The following ZFPM2 variants were observed in gnomAD, a reference collection of about 807,000 sequenced individuals.
ZFPM2 encodes the protein zinc finger protein ZFPM2.
Under a neutral mutation model 98.6 loss-of-function variants are expected in ZFPM2, and 20 were observed. The observed-to-expected ratio is 0.20, with a 90% CI of 0.14 to 0.29. The LOEUF is 0.29. Ranked by LOEUF, ZFPM2 falls within the 10% of genes least tolerant of loss-of-function variation. The probability of loss-of-function intolerance (pLI) is 1.00; values close to 1 mark genes in which losing one functional copy is unlikely to be tolerated. For missense variants in ZFPM2, 1,310 were observed against 1,388.6 expected, an observed-to-expected ratio of 0.94 and a Z score of 0.90; for synonymous variants, 518 against 502.7, an observed-to-expected ratio of 1.03 and a Z score of -0.41.
At chr8:105,558,038 G>A (rs950087199) in intron 3 of ZFPM2, among the ~76,000 whole-genome samples, 4 of 148,210 alleles carry the variant, frequency 2.7e-5, no homozygotes, top group Non-Finnish European at 5.9e-5. Context: ...ATTTGAGGCC[G>A]TTCAGCTGGT....
At chr8:105,646,001 C>T (rs560742648) in intron 5 of ZFPM2, among the ~76,000 whole-genome samples, 4 of 147,698 alleles carry the variant, frequency 2.7e-5, no homozygotes, top group Non-Finnish European at 4.5e-5. Flanking sequence ...TGCAGTGAGC[C>T]GAGATCACAC....
At position 105,802,540 on chromosome 8, in the gene ZFPM2, A is replaced by C. The variant is rs765670971; in HGVS notation, c.2458A>C (p.Ser820Arg). ...TTCCAAATGTGATACTACTCATTCCAGTGTTTCCTGCCTAGAGATGGACGT... is the reference window on the plus strand; with the variant it reads ...TTCCAAATGTGATACTACTCATTCCCGTGTTTCCTGCCTAGAGATGGACGT... ...PVSKCDTTHS[S>R]VSCLEMDVPI... is the part of the protein sequence containing the mutation. The change falls in exon 8 of 8, where the codon AGT (serine) becomes CGT (arginine). Residue 820 changes from serine to arginine, a missense_variant. Physicochemically the swap from Ser to Arg is moderately radical, Grantham distance 110. Transcript: ENST00000407775. The C allele has an allele frequency of 6.8e-6, 11 of 1,611,836 alleles. No individual in the cohort carries two copies. The South Asian group carries it at 1.1e-4, about 16-fold the overall frequency.
At chr8:105,362,244 T>C (rs1209302328) in intron 1 of ZFPM2, among the ~76,000 whole-genome samples, 1 of 152,094 alleles carries the variant, frequency 6.6e-6, no homozygotes. Context: ...TTTATTTAGG[T>C]AGAGGCAGAA....
At chr8:105,496,102 C>T (rs1289895493) in intron 3 of ZFPM2, among the ~76,000 whole-genome samples, 1 of 152,032 alleles carries the variant, frequency 6.6e-6, no homozygotes, top group Admixed American at 6.6e-5. Flanking sequence ...AATGTCTTTC[C>T]CTATTCTAAG....
At chr8:105,678,323 A>G (rs1157383872) in intron 5 of ZFPM2, among the ~76,000 whole-genome samples, 1 of 152,180 alleles carries the variant, frequency 6.6e-6, no homozygotes, top group African/African-American at 2.4e-5. Context: ...CTAGCAACAA[A>G]ATCTATAAAA....
intron 2 of ZFPM2, among the ~76,000 whole-genome samples, chr8:105,436,401 C>T (rs374592455): frequency 1.3e-5 from 2 of 151,684 alleles, no homozygotes; most frequent in African/African-American, 4.8e-5. Context: ...TGCCTGTGGG[C>T]CCAGCTACTT....
At chr8:105,800,409 T>TTAGTG (rs10647359) in intron 7 of ZFPM2, among the ~76,000 whole-genome samples, 12,721 of 152,014 alleles carry the variant, frequency 0.084, 1,636 homozygotes, top group African/African-American at 0.28. Context: ...AATGACTATA[T>TTAGTG]TAGTGTACTG....
At chr8:105,776,967 A>T (rs1813118982) in intron 5 of ZFPM2, among the ~76,000 whole-genome samples, 1 of 152,222 alleles carries the variant, frequency 6.6e-6, no homozygotes, top group Non-Finnish European at 1.5e-5. Context: ...ATGGCTGAGC[A>T]TCTCTATCCA....
intron 3 of ZFPM2, among the ~76,000 whole-genome samples, chr8:105,514,578 A>G (rs1324241450): frequency 1.3e-5 from 2 of 152,062 alleles, no homozygotes; most frequent in Non-Finnish European, 2.9e-5. Context: ...CACTATAAAC[A>G]GCGCATTGCT....
intron 1 of ZFPM2, among the ~76,000 whole-genome samples, chr8:105,372,943 G>C (rs758376497): frequency 6.6e-6 from 1 of 152,132 alleles, no homozygotes; most frequent in South Asian, 2.1e-4. Context: ...AGGGAAGTAA[G>C]AGAAAAATGT....
chr8:105,703,521 T>C (rs1224575608), intron 5 of ZFPM2, among the ~76,000 whole-genome samples: 3 of 152,114 alleles, frequency 2.0e-5, no homozygotes, highest in Non-Finnish European at 4.4e-5. Flanking sequence ...TTTTGTTTTT[T>C]TTAATAAGGT....
At chr8:105,566,224 A>G (rs1316279493) in intron 4 of ZFPM2, among the ~76,000 whole-genome samples, 1 of 152,150 alleles carries the variant, frequency 6.6e-6, no homozygotes, top group East Asian at 1.9e-4. Context: ...GGTCTGCACT[A>G]CCTTGCAAGT....
Position 105,801,573 on chromosome 8 carries a change from C to A in ZFPM2, c.1491C>A (p.Phe497Leu), listed in dbSNP as rs975686028. The A allele has an allele frequency of 6.2e-7, 1 of 1,613,774 alleles. No individual in the cohort carries two copies. The highest frequency in any genetic ancestry group is 1.3e-5 in the African/African-American group (1 of 74,880). Residue 497 changes from phenylalanine (F) to leucine (L), a missense_variant, in exon 8 of 8, where the codon TTC becomes TTA. Phe to Leu is a conservative substitution (Grantham distance 22, BLOSUM62 0). Coordinates refer to ENST00000407775, the MANE Select transcript of ZFPM2 (RefSeq NM_012082.4). ...NIGPSFPVGP[F>L]LSQFSFPQDI... is the part of the protein sequence containing the mutation. ...GGCCTTCTTTCCCTGTGGGCCCTTT[C>A]CTATCTCAGTTTTCTTTCCCCCAAG... is the stretch of plus-strand genomic sequence containing the variant.
intron 3 of ZFPM2, among the ~76,000 whole-genome samples, chr8:105,457,374 GAATT>G: frequency 6.6e-6 from 1 of 152,254 alleles, no homozygotes; most frequent in East Asian, 1.9e-4. Context: ...GACCTACATT[GAATT>G]AATTAATTTA....
At chr8:105,625,253 T>C (rs2130823969) in intron 4 of ZFPM2, among the ~76,000 whole-genome samples, 1 of 152,336 alleles carries the variant, frequency 6.6e-6, no homozygotes, top group South Asian at 2.1e-4. Context: ...TATAATTTTT[T>C]TCAAGCAATG....
intron 5 of ZFPM2, among the ~76,000 whole-genome samples, chr8:105,779,867 A>C (rs2131108514): frequency 6.6e-6 from 1 of 152,340 alleles, no homozygotes; most frequent in East Asian, 1.9e-4. Flanking sequence ...TTCTAGTAAC[A>C]GGCGCATGAA....
chr8:105,419,192 A>C lies in ZFPM2; in HGVS notation c.89A>C (p.Glu30Ala), dbSNP rs121908601. Residue 30 changes from glutamate (E) to alanine (A), a missense_variant, in exon 2 of 8, where the codon GAG (glutamate) becomes GCG (alanine). Physicochemically the swap from Glu to Ala is moderately radical, Grantham distance 107. Coordinates refer to ENST00000407775, the MANE Select transcript of ZFPM2 (RefSeq NM_012082.4). ...GATGAGGAAGAAGAATGTCCATCAG[A>C]GGAAACAGACATCATCTCCAAAGGA... ...IEDEEEECPS[E>A]ETDIISKGDF... 1 of 1,613,678 alleles carries C rather than the reference A, an allele frequency of 6.2e-7. No homozygotes were observed. The highest frequency in any genetic ancestry group is 1.1e-5 in the South Asian group (1 of 91,038).
chr8:105,656,934 C>T (rs560289549), intron 5 of ZFPM2, among the ~76,000 whole-genome samples: 4 of 152,016 alleles, frequency 2.6e-5, no homozygotes, highest in Non-Finnish European at 4.4e-5. Context: ...AGGAAGCACT[C>T]GAGAAATATT....
intron 5 of ZFPM2, among the ~76,000 whole-genome samples, chr8:105,649,099 T>A (rs1430486874): frequency 1.3e-5 from 2 of 152,178 alleles, no homozygotes; most frequent in Non-Finnish European, 2.9e-5. Context: ...TTCACATCCC[T>A]TGTAAGTTTG....
Sources: gnomAD v4.1 joint callset for allele counts (sites outside exome capture counted in the v4.1 genomes callset) on GRCh38, gnomAD v4.1.1 for gene constraint, MANE v1.5 for transcripts, NCBI Gene and HGNC (gene_info 2026-07-23, HGNC 2026-07-21) for gene names.